RERE: variants seen among roughly 807,000 people sequenced by gnomAD.
The protein encoded by RERE is arginine-glutamic acid dipeptide repeats, also known as arginine-glutamic acid dipeptide repeats protein.
RERE carries 40 observed loss-of-function variants against 146.1 expected under a neutral mutation model. The observed-to-expected ratio is 0.27, with a 90% CI of 0.21 to 0.36. RERE has a LOEUF of 0.36. Ranked by LOEUF, RERE falls within the 10% of genes least tolerant of loss-of-function variation. The probability of loss-of-function intolerance (pLI) is 1.00; values close to 1 mark genes in which losing one functional copy is unlikely to be tolerated. For synonymous variants in RERE, 1,003 were observed against 866.0 expected, an observed-to-expected ratio of 1.16 and a Z score of -2.78; for missense variants, 1,933 against 2,138.7, an observed-to-expected ratio of 0.90 and a Z score of 1.90.
At chr1:8,651,778 C>A (rs550248378) in intron 2 of RERE, among the ~76,000 whole-genome samples, 3 of 151,940 alleles carry the variant, frequency 2.0e-5, no homozygotes, top group African/African-American at 7.2e-5. Flanking sequence ...AACTCAACCC[C>A]CATCTGGGAA....
intron 12 of RERE, among the ~76,000 whole-genome samples, chr1:8,381,864 C>T (rs1019080571): frequency 2.0e-5 from 3 of 152,218 alleles, no homozygotes; most frequent in Non-Finnish European, 4.4e-5. Context: ...CAGGCCTTGG[C>T]TTGACACTGT....
rs567051618 is a variant in RERE, at chr1:8,554,118, T to C, written c.725+2357A>G. ...ATCACTTGAACCCAGGAGGCGGAGGTTGCAGTAAAGTGAGCCAAGATCAAG... is the reference window on the plus strand; with the variant it reads ...ATCACTTGAACCCAGGAGGCGGAGGCTGCAGTAAAGTGAGCCAAGATCAAG... On this transcript the variant is annotated intron_variant, in intron 6 of 22. Coordinates refer to ENST00000400908, the MANE Select transcript of RERE (RefSeq NM_001042681.2). 7.2e-4 allele frequency among the ~76,000 whole-genome samples: 109 copies of C among 152,002 alleles called. 1 individual carries two copies. Among genetic ancestry groups the C allele is most frequent in the Admixed American group, 1.0e-3 (16 of 15,280 alleles).
chr1:8,471,403 C>G (rs1202532468), intron 10 of RERE, among the ~76,000 whole-genome samples: 1 of 152,054 alleles, frequency 6.6e-6, no homozygotes, highest in Non-Finnish European at 1.5e-5. Context: ...GCCTCAATCT[C>G]CTGGGCTCAA....
Position 8,817,482 on chromosome 1 carries a change from TCAA to T in RERE, c.-470_-468del, listed in dbSNP as rs1455392865. 1 of 140,544 alleles carries T rather than the reference TCAA, an allele frequency of 7.1e-6. No homozygotes were observed. Among genetic ancestry groups the T allele is most frequent in the East Asian group, 2.2e-4 (1 of 4,610 alleles). The allele number at this position is 140,544 out of a possible 1,614,324, so 8.7% of individuals were successfully genotyped here. A position where few individuals can be genotyped will look rare whatever the true frequency, so the allele number is the denominator to read the frequency against. ...GGTGATTTTTTTTTTTTTTTAATCC[TCAA>T]CTAGGAGAGAAAATGAGGCAGAGAC... is the stretch of plus-strand genomic sequence containing the variant. On this transcript the variant is annotated 5_prime_UTR_variant, in exon 1 of 23. Transcript: ENST00000400908.
At chr1:8,532,207 TTTG>T (rs1448697741) in intron 7 of RERE, among the ~76,000 whole-genome samples, 1 of 152,196 alleles carries the variant, frequency 6.6e-6, no homozygotes, top group Non-Finnish European at 1.5e-5. Context: ...CTAGACTCCG[TTTG>T]TTAACATTTC....
intron 4 of RERE, among the ~76,000 whole-genome samples, chr1:8,570,260 C>CG (rs775709989): frequency 5.9e-5 from 9 of 151,800 alleles, no homozygotes; most frequent in African/African-American, 9.7e-5. Context: ...TTGCTTGAAC[C>CG]GGGGAAGTGG....
intron 10 of RERE, among the ~76,000 whole-genome samples, chr1:8,468,974 C>G (rs1644643380): frequency 6.6e-6 from 1 of 151,884 alleles, no homozygotes; most frequent in Admixed American, 6.6e-5. Flanking sequence ...AGTCAAACTG[C>G]CTGGATTCCA....
chr1:8,397,246 C>T (rs1376421896), intron 12 of RERE, among the ~76,000 whole-genome samples: 1 of 151,128 alleles, frequency 6.6e-6, no homozygotes, highest in African/African-American at 2.5e-5. Flanking sequence ...ATGGCAACAC[C>T]ACCACTTGCC....
At chr1:8,441,807 T>C (rs1644252526) in intron 11 of RERE, among the ~76,000 whole-genome samples, 1 of 152,246 alleles carries the variant, frequency 6.6e-6, no homozygotes, top group African/African-American at 2.4e-5. Flanking sequence ...AAATGAAAAT[T>C]ATATCAACAT....
rs773066510 is a variant in RERE, at chr1:8,624,359, C to T, written c.347G>A (p.Arg116Gln). Residue 116 changes from arginine (R) to glutamine (Q), a missense_variant, in exon 3 of 23, where the codon CGG becomes CAG. By Grantham distance (43) the Arg-to-Gln change is conservative. Around this residue, in one of 11 missense-constraint regions of RERE, gnomAD observed 74 missense variants for 99.6 expected, o/e 0.74. Transcript: ENST00000400908. ...GATGAAATACGGTGTGTTTGGCCTC[C>T]GACTCTCGATATACACACAGTCTTT... is the stretch of plus-strand genomic sequence containing the variant. ...RPGDCVYIES[R>Q]RPNTPYFICS... 6.8e-6 allele frequency: 11 copies of T among 1,610,690 alleles called. No individual in the cohort carries two copies. Among genetic ancestry groups the T allele is most frequent in the African/African-American group, 4.0e-5 (3 of 74,736 alleles).
At chr1:8,607,534 C>CTTTTTTT (rs1167501074) in intron 4 of RERE, among the ~76,000 whole-genome samples, 1,047 of 48,570 alleles carry the variant, frequency 0.022, 253 homozygotes, top group East Asian at 0.065. Flanking sequence ...ATATATATTT[C>CTTTTTTT]TTTTTTTTTT....
chr1:8,422,844 A>G, intron 11 of RERE, 37 bp from the exon 12 acceptor site: 1 of 1,444,764 alleles, frequency 6.9e-7, no homozygotes, highest in Non-Finnish European at 9.7e-7. Flanking sequence ...GTAAAAACCA[A>G]AAACAAAACA....
intron 4 of RERE, among the ~76,000 whole-genome samples, chr1:8,583,743 G>A (rs1017294782): frequency 2.6e-5 from 4 of 151,872 alleles, no homozygotes; most frequent in African/African-American, 9.7e-5. Context: ...AAATGAAAGT[G>A]AAGGAGAGGA....
chr1:8,813,886 A>C (rs1641862037), intron 1 of RERE, among the ~76,000 whole-genome samples: 1 of 152,204 alleles, frequency 6.6e-6, no homozygotes, highest in Non-Finnish European at 1.5e-5. Context: ...AAGTGCTGGG[A>C]TTACAGGCGT....
At chr1:8,783,992 G>A (rs923739596) in intron 1 of RERE, among the ~76,000 whole-genome samples, 1 of 152,122 alleles carries the variant, frequency 6.6e-6, no homozygotes, top group Non-Finnish European at 1.5e-5. Flanking sequence ...CCTGCCAACC[G>A]ACACCTTGAT....
intron 7 of RERE, among the ~76,000 whole-genome samples, chr1:8,509,868 T>C (rs1044746826): frequency 1.3e-5 from 2 of 152,336 alleles, no homozygotes; most frequent in Non-Finnish European, 2.9e-5. Flanking sequence ...TTTTCTCTCA[T>C]GGATCTGATA....
Position 8,399,500 on chromosome 1 carries a change from T to G in RERE, c.1284+23227A>C, listed in dbSNP as rs116012107. 5.2e-3 allele frequency among the ~76,000 whole-genome samples: 794 copies of G among 152,316 alleles called. 7 individuals are homozygous for G. Among genetic ancestry groups the G allele is most frequent in the African/African-American group, 0.019 (773 of 41,570 alleles). ...CCCCCATTACACTGACGTCTCTATT[T>G]TGCATCAATACCACCAGGTCTTAAT... On this transcript the variant is annotated intron_variant, in intron 12 of 22. Transcript: ENST00000400908.
intron 1 of RERE, among the ~76,000 whole-genome samples, chr1:8,700,571 AC>A (rs1421276475): frequency 6.6e-6 from 1 of 152,192 alleles, no homozygotes; most frequent in Non-Finnish European, 1.5e-5. Flanking sequence ...TCTATGTGCC[AC>A]CCAGCCCATG....
chr1:8,617,647 A>T (rs1251595986), intron 3 of RERE, among the ~76,000 whole-genome samples: 2 of 152,324 alleles, frequency 1.3e-5, no homozygotes, highest in Non-Finnish European at 2.9e-5. Context: ...TGTCAAAAAC[A>T]AAAACAGAAA....
Sources: gnomAD v4.1 joint callset for allele counts (sites outside exome capture counted in the v4.1 genomes callset) on GRCh38, gnomAD v4.1.1 for gene constraint, gnomAD v4.1.1 regional missense constraint, MANE v1.5 for transcripts, NCBI Gene and HGNC (gene_info 2026-07-23, HGNC 2026-07-21) for gene names.